The following CDC42SE2 variants were observed in gnomAD, a reference collection of about 807,000 sequenced individuals.
CDC42SE2 encodes CDC42 small effector protein 2.
In CDC42SE2, 3 loss-of-function variants were observed where a neutral mutation model predicts 11.5. That is an observed-to-expected ratio of 0.26 (90% confidence interval 0.12 to 0.67). The LOEUF is 0.67. Ranked by LOEUF, CDC42SE2 falls within the 30% of genes least tolerant of loss-of-function variation. CDC42SE2 has a pLI of 0.80. For synonymous variants in CDC42SE2, 33 were observed against 34.8 expected (o/e 0.95, Z 0.18); for missense variants, 82 against 106.8 (o/e 0.77, Z 1.02).
chr5:131,288,655 T>C (rs1305775313), intron 1 of CDC42SE2, among the ~76,000 whole-genome samples: 2 of 152,208 alleles, frequency 1.3e-5, no homozygotes, highest in Non-Finnish European at 2.9e-5. Flanking sequence ...CCACTGGGCC[T>C]GGTAGATTCT....
chr5:131,268,036 T>G (rs1416328886), intron 1 of CDC42SE2, among the ~76,000 whole-genome samples: 1 of 150,340 alleles, frequency 6.7e-6, no homozygotes, highest in African/African-American at 2.4e-5. Flanking sequence ...TTGAGAGAAG[T>G]ACATGTACAT....
At chr5:131,278,647 A>G (rs562704642) in intron 1 of CDC42SE2, among the ~76,000 whole-genome samples, 38 of 145,314 alleles carry the variant, frequency 2.6e-4, no homozygotes, top group African/African-American at 9.6e-4. Flanking sequence ...CAGTGGGACC[A>G]TATGAAATTG....
At chr5:131,305,802 T>C (rs1313326441) in intron 1 of CDC42SE2, among the ~76,000 whole-genome samples, 2 of 152,200 alleles carry the variant, frequency 1.3e-5, no homozygotes, top group African/African-American at 4.8e-5. Context: ...ATATTTGGGG[T>C]TATATCTAAA....
intron 3 of CDC42SE2, among the ~76,000 whole-genome samples, chr5:131,365,135 C>CA (rs1749816075): frequency 1.3e-5 from 2 of 152,042 alleles, no homozygotes; most frequent in East Asian, 1.9e-4. Flanking sequence ...ACTAAAAATA[C>CA]AAAAAATAGC....
rs1019726985 is a variant in CDC42SE2 at position 131,337,626 on chromosome 5, G to T, written c.-286+21482G>T. 3.9e-5 allele frequency among the ~76,000 whole-genome samples: 6 copies of T among 152,348 alleles called. No homozygotes were observed. In the South Asian group the frequency reaches 1.2e-3, roughly 32 times the overall value. On this transcript the variant is annotated intron_variant, in intron 2 of 4. Coordinates refer to ENST00000505065, the MANE Select transcript of CDC42SE2 (RefSeq NM_001375635.1). ...CTGTGGTGGGCTCCACCCAGTTCGAGCTTCCAGGCTGCTTTGTTTACCTAC... is the reference window on the plus strand; with the variant it reads ...CTGTGGTGGGCTCCACCCAGTTCGATCTTCCAGGCTGCTTTGTTTACCTAC...
At chr5:131,356,078 C>G (rs1434239321) in intron 2 of CDC42SE2, among the ~76,000 whole-genome samples, 1 of 152,182 alleles carries the variant, frequency 6.6e-6, no homozygotes, top group Non-Finnish European at 1.5e-5. Context: ...AAAGTCCCTT[C>G]CCTTTCTAAA....
the CDC42SE2 span, among the ~76,000 whole-genome samples, chr5:131,216,195 C>CCCAG: frequency 1.3e-5 from 2 of 152,140 alleles, no homozygotes; most frequent in Admixed American, 6.5e-5. Flanking sequence ...ATAGTCTAGG[C>CCCAG]CCAGCACAGT....
rs1178020838 is a variant in CDC42SE2, at chr5:131,392,556, AG to A, written c.*1466del. The A allele has an allele frequency of 2.6e-5, 4 of 152,310 alleles. No individual in the cohort carries two copies. The highest frequency in any genetic ancestry group is 9.7e-5 in the African/African-American group (4 of 41,448). The allele number at this position is 152,310 out of a possible 1,614,324, so 9.4% of individuals were successfully genotyped here. ...TTGATTAGAATTGCAATAAAAGAAA[AG>A]CTTGCATTCATAAGGCATTCATTCT... On this transcript the variant is annotated 3_prime_UTR_variant, in exon 5 of 5. Transcript: ENST00000505065.
chr5:131,385,528 T>C lies in CDC42SE2; in HGVS notation c.55-15T>C. 1 of 1,585,226 alleles carries C rather than the reference T, an allele frequency of 6.3e-7. No individual in the cohort carries two copies. The highest frequency in any genetic ancestry group is 8.7e-7 in the Non-Finnish European group (1 of 1,154,504). On this transcript the variant is annotated splice_polypyrimidine_tract_variant and intron_variant, in intron 3 of 4. Transcript: ENST00000505065. Reference sequence around the variant, plus strand: ...TAAGATCACTTTCTCAACACATTTGTTCCCCATATTTTAGAAAAGGCGACG... The same window carrying C: ...TAAGATCACTTTCTCAACACATTTGCTCCCCATATTTTAGAAAAGGCGACG...
At chr5:131,289,744 C>T (rs1368905964) in intron 1 of CDC42SE2, among the ~76,000 whole-genome samples, 1 of 151,980 alleles carries the variant, frequency 6.6e-6, no homozygotes, top group Non-Finnish European at 1.5e-5. Context: ...TCACATGAGA[C>T]TTTTCCCCAG....
intron 3 of CDC42SE2, among the ~76,000 whole-genome samples, chr5:131,375,352 G>A (rs1020826098): frequency 2.6e-5 from 4 of 152,152 alleles, no homozygotes; most frequent in African/African-American, 9.7e-5. Flanking sequence ...GACAGATACC[G>A]ACAGCACCAC....
intron 2 of CDC42SE2, among the ~76,000 whole-genome samples, chr5:131,346,004 C>A (rs555880279): frequency 5.5e-4 from 84 of 152,192 alleles, no homozygotes; most frequent in South Asian, 1.7e-3. Flanking sequence ...AGGAAGCACT[C>A]AACATGGAAA....
chr5:131,263,589 C>A (rs1458267593), upstream of CDC42SE2: 1 of 152,252 alleles, frequency 6.6e-6, no homozygotes, highest in Non-Finnish European at 1.5e-5. Context: ...GGCTCTCAAC[C>A]GCTACTGAGA....
chr5:131,361,551 AG>A (rs1749708721), intron 3 of CDC42SE2, among the ~76,000 whole-genome samples: 1 of 152,052 alleles, frequency 6.6e-6, no homozygotes, highest in East Asian at 1.9e-4. Context: ...CGTGTGTTAC[AG>A]GGTGCTTTTT....
chr5:131,309,430 G>T (rs1387193420), intron 1 of CDC42SE2, among the ~76,000 whole-genome samples: 2 of 152,220 alleles, frequency 1.3e-5, no homozygotes, highest in East Asian at 3.9e-4. Context: ...GTCTCTGCGC[G>T]GCGTTGGTAT....
chr5:131,262,710 TTATC>T (rs1756757582), upstream of CDC42SE2, among the ~76,000 whole-genome samples: 1 of 152,214 alleles, frequency 6.6e-6, no homozygotes, highest in East Asian at 1.9e-4. Flanking sequence ...CCTGTATAAA[TTATC>T]TATAGATTAC....
At chr5:131,381,131 T>C (rs760222158) in intron 3 of CDC42SE2, among the ~76,000 whole-genome samples, 3 of 152,156 alleles carry the variant, frequency 2.0e-5, no homozygotes, top group Non-Finnish European at 4.4e-5. Context: ...GAAATTTAGT[T>C]TGTCTAGGAA....
chr5:131,362,182 C>T (rs1475696074), intron 3 of CDC42SE2, among the ~76,000 whole-genome samples: 1 of 152,146 alleles, frequency 6.6e-6, no homozygotes. Context: ...CCACACTCTT[C>T]CCTTCCCAGC....
intron 1 of CDC42SE2, among the ~76,000 whole-genome samples, chr5:131,274,237 C>T (rs894404897): frequency 6.6e-6 from 1 of 152,074 alleles, no homozygotes; most frequent in Non-Finnish European, 1.5e-5. Context: ...TCTCCATCAC[C>T]CCTCCACCCC....
Sources: allele counts gnomAD v4.1 joint callset (sites outside exome capture counted in the v4.1 genomes callset), GRCh38; gene constraint gnomAD v4.1.1; transcripts MANE v1.5; gene names NCBI Gene and HGNC (gene_info 2026-07-23, HGNC 2026-07-21).